Variants in DUSP7 observed in about 807,000 individuals in gnomAD.
DUSP7 encodes the protein dual specificity protein phosphatase 7.
DUSP7 carries 7 observed loss-of-function variants against 29.8 expected under a neutral mutation model. The observed-to-expected ratio is 0.24, with a 90% CI of 0.13 to 0.44. DUSP7 has a LOEUF of 0.44. Ranked by LOEUF, DUSP7 falls within the 20% of genes least tolerant of loss-of-function variation. The pLI is 1.00. For synonymous variants in DUSP7, 287 were observed against 275.4 expected, an observed-to-expected ratio of 1.04 and a Z score of -0.42; for missense variants, 400 against 583.7, an observed-to-expected ratio of 0.69 and a Z score of 3.24.
intron 2 of DUSP7, chr3:52,052,525 C>G (rs1034571297): frequency 6.6e-6 from 1 of 152,368 alleles, no homozygotes; most frequent in Non-Finnish European, 1.5e-5. Context: ...GGTGCTGGGA[C>G]CAGCCTCCAG....
chr3:52,050,150 A>T lies in DUSP7; in HGVS notation c.*665T>A, dbSNP rs1007230774. ...AGAGCAGTAAGCCACCCCTTCAAGA[A>T]GGGCCCGCTGAGGAAACAGAGGCTT... On this transcript the variant is annotated 3_prime_UTR_variant, in exon 3 of 3. Coordinates refer to ENST00000495880, the MANE Select transcript of DUSP7 (RefSeq NM_001947.4). This position sits in a 1 kb window ranked among gnomAD's most constrained non-coding sequence, Gnocchi z 5.0. 6 of 152,026 alleles carry T rather than the reference A, an allele frequency of 3.9e-5. No homozygotes were observed. The highest frequency in any genetic ancestry group is 1.5e-4 in the African/African-American group (6 of 41,252). 9.4% of individuals were successfully genotyped at this position (152,026 alleles called of 1,614,324 possible).
chr3:52,056,250 TGCGCCGGACCCCGACCCC>T lies in DUSP7; in HGVS notation c.99_116del (p.Ser35_Gly40del). On this transcript the variant is annotated inframe_deletion, in exon 1 of 3. Coordinates refer to ENST00000495880, the MANE Select transcript of DUSP7 (RefSeq NM_001947.4). The surrounding 1 kb of genome is among the most constrained non-coding windows in gnomAD (Gnocchi z 6.4). ...CCGTCGCCGCGCCCGCCCCGGTGCC[TGCGCCGGACCCCGACCCC>T]GCACCGGGCTCGGACCCCGCCCGGG... 4 of 1,372,562 alleles carry T rather than the reference TGCGCCGGACCCCGACCCC, an allele frequency of 2.9e-6. No individual in the cohort carries two copies. The highest frequency in any genetic ancestry group is 3.7e-6 in the Non-Finnish European group (4 of 1,069,566). The allele number at this position is 1,372,562 out of a possible 1,614,324, so 85.0% of individuals were successfully genotyped here.
rs1041502199 is a variant in DUSP7, at chr3:52,051,474, T to C, written c.953-352A>G. 6.6e-6 allele frequency among the ~76,000 whole-genome samples: 1 copy of C among 152,248 alleles called. No homozygotes were observed. The highest frequency in any genetic ancestry group is 1.5e-5 in the Non-Finnish European group (1 of 68,040). ...TAATGCCTGTGATCATGGCTAGTCCTACCACTGCCATGTGCGTTAACGACT... is the reference window on the plus strand; with the variant it reads ...TAATGCCTGTGATCATGGCTAGTCCCACCACTGCCATGTGCGTTAACGACT... On this transcript the variant is annotated intron_variant, in intron 2 of 2. Coordinates refer to ENST00000495880, the MANE Select transcript of DUSP7 (RefSeq NM_001947.4). The surrounding 1 kb of genome is among the most constrained non-coding windows in gnomAD (Gnocchi z 4.8).
In DUSP7 at chr3:52,056,122, AGCTC is replaced by A; in HGVS notation, c.241_244del (p.Glu81SerfsTer258). The A allele has an allele frequency of 6.2e-7, 1 of 1,604,950 alleles. No homozygotes were observed. The highest frequency in any genetic ancestry group is 8.5e-7 in the Non-Finnish European group (1 of 1,178,490). On this transcript the variant is annotated frameshift_variant, in exon 1 of 3. Transcript: ENST00000495880. LOFTEE classifies it high-confidence loss of function. This position sits in a 1 kb window ranked among gnomAD's most constrained non-coding sequence, Gnocchi z 6.4. Reference sequence around the variant, plus strand: ...CGTCTCGATGTGCGACGACTCGAAGAGCTCGTGCGGCCGGCAGTCGAGCAGCAGC... The same window carrying A: ...CGTCTCGATGTGCGACGACTCGAAGAGTGCGGCCGGCAGTCGAGCAGCAGC...
chr3:52,056,130 C>A lies in DUSP7; in HGVS notation c.237G>T (p.Pro79=). Residue 79 remains proline (P), a synonymous_variant, in exon 1 of 3, where the codon CCG becomes CCT. Transcript: ENST00000495880. This position sits in a 1 kb window ranked among gnomAD's most constrained non-coding sequence, Gnocchi z 6.4. ...GASLLLLDCR[P]HELFESSHIE... ...TGTGCGACGACTCGAAGAGCTCGTG[C>A]GGCCGGCAGTCGAGCAGCAGCAAGG... is the stretch of plus-strand genomic sequence containing the variant. 1 of 1,602,914 alleles carries A rather than the reference C, an allele frequency of 6.2e-7. No homozygotes were observed.
chr3:52,050,686 G>T lies in DUSP7; in HGVS notation c.*129C>A. The T allele has an allele frequency of 9.0e-7, 1 of 1,106,938 alleles. No individual in the cohort carries two copies. The highest frequency in any genetic ancestry group is 1.3e-6 in the Non-Finnish European group (1 of 788,798). The allele number at this position is 1,106,938 out of a possible 1,614,324, so 68.6% of individuals were successfully genotyped here. On this transcript the variant is annotated 3_prime_UTR_variant, in exon 3 of 3. Coordinates refer to ENST00000495880, the MANE Select transcript of DUSP7 (RefSeq NM_001947.4). The surrounding 1 kb of genome is among the most constrained non-coding windows in gnomAD (Gnocchi z 5.0). ...GTGAGGGGCGCTCCGACACCGATCA[G>T]CCTGGGCCTCTGGGCACAGGTGACA...
rs2106890529 is a variant in DUSP7, at chr3:52,050,761, G to C, written c.*54C>G. ...TGGCGGGCTTGGGCTCTCCCACCTAGCCCTGTGGAGAGCCGAGCAGGGGCC... is the reference window on the plus strand; with the variant it reads ...TGGCGGGCTTGGGCTCTCCCACCTACCCCTGTGGAGAGCCGAGCAGGGGCC... On this transcript the variant is annotated 3_prime_UTR_variant, in exon 3 of 3. Coordinates refer to ENST00000495880, the MANE Select transcript of DUSP7 (RefSeq NM_001947.4). This position sits in a 1 kb window ranked among gnomAD's most constrained non-coding sequence, Gnocchi z 5.0. 1 of 1,554,918 alleles carries C rather than the reference G, an allele frequency of 6.4e-7. No homozygotes were observed.
At position 52,053,950 on chromosome 3, in the gene DUSP7, G is replaced by T. The variant is rs568629136; in HGVS notation, c.942C>A (p.Ile314=). The change falls in exon 2 of 3, where the codon ATC becomes ATA. Residue 314 remains isoleucine, a synonymous_variant. Coordinates refer to ENST00000495880, the MANE Select transcript of DUSP7 (RefSeq NM_001947.4). The surrounding 1 kb of genome is among the most constrained non-coding windows in gnomAD (Gnocchi z 4.6). ...QNLSQFFPEA[I]SFIDEARSKK... ...GCACACAGCACCTACCAATGAAGCTGATGGCCTCAGGGAAGAACTGGGAGA... is the reference window on the plus strand; with the variant it reads ...GCACACAGCACCTACCAATGAAGCTTATGGCCTCAGGGAAGAACTGGGAGA... 2 of 1,614,148 alleles carry T rather than the reference G, an allele frequency of 1.2e-6. No homozygotes were observed. Among genetic ancestry groups the T allele is most frequent in the South Asian group, 2.2e-5 (2 of 91,082 alleles).
rs1439782467 is a variant in DUSP7 at position 52,053,507 on chromosome 3, CCT to C, written c.952+431_952+432del. On this transcript the variant is annotated intron_variant, in intron 2 of 2. Transcript: ENST00000495880. The surrounding 1 kb of genome is among the most constrained non-coding windows in gnomAD (Gnocchi z 4.6). ...TCTGGCTCCAGGGCTACCTTTCAGC[CCT>C]CTTAGGTCCACATTAAAGCCCAAAG... 4.7e-6 allele frequency: 1 copy of C among 213,410 alleles called. No homozygotes were observed. The highest frequency in any genetic ancestry group is 2.3e-5 in the African/African-American group (1 of 43,624). The allele number at this position is 213,410 out of a possible 1,614,324, so 13.2% of individuals were successfully genotyped here.
chr3:52,050,436 G>T lies in DUSP7; in HGVS notation c.*379C>A. On this transcript the variant is annotated 3_prime_UTR_variant, in exon 3 of 3. Coordinates refer to ENST00000495880, the MANE Select transcript of DUSP7 (RefSeq NM_001947.4). The surrounding 1 kb of genome is among the most constrained non-coding windows in gnomAD (Gnocchi z 5.0). ...ATCAAGAAGAGCTCAAACACTCTTT[G>T]TGCTCCAGGGAGCTTGGATTTACCT... 5.8e-6 allele frequency: 1 copy of T among 173,532 alleles called. No individual in the cohort carries two copies. The highest frequency in any genetic ancestry group is 1.2e-5 in the Non-Finnish European group (1 of 82,862). The allele number at this position is 173,532 out of a possible 1,614,324, so 10.7% of individuals were successfully genotyped here. A position where few individuals can be genotyped will look rare whatever the true frequency, so the allele number is the denominator to read the frequency against.
In DUSP7 at chr3:52,054,506, G is replaced by A; in HGVS notation, c.518-132C>T. ...CCACGGTCAGCATGGGCCATGCCAAGCATGTTACACGTGTGCCCTCTCTCG... is the reference window on the plus strand; with the variant it reads ...CCACGGTCAGCATGGGCCATGCCAAACATGTTACACGTGTGCCCTCTCTCG... On this transcript the variant is annotated intron_variant, in intron 1 of 2. Transcript: ENST00000495880. This position sits in a 1 kb window ranked among gnomAD's most constrained non-coding sequence, Gnocchi z 4.1. 2 of 700,786 alleles carry A rather than the reference G, an allele frequency of 2.9e-6. No homozygotes were observed. The highest frequency in any genetic ancestry group is 2.1e-5 in the South Asian group (1 of 48,132). 43.4% of individuals were successfully genotyped at this position (700,786 alleles called of 1,614,324 possible).
In DUSP7 at chr3:52,053,854, G is replaced by C. The variant is rs1488289978; in HGVS notation, c.952+86C>G. The C allele has an allele frequency of 6.8e-7, 1 of 1,471,542 alleles. No homozygotes were observed. The highest frequency in any genetic ancestry group is 1.2e-5 in the South Asian group (1 of 85,516). The allele number at this position is 1,471,542 out of a possible 1,614,324, so 91.2% of individuals were successfully genotyped here. A position where few individuals can be genotyped will look rare whatever the true frequency, so the allele number is the denominator to read the frequency against. On this transcript the variant is annotated intron_variant, in intron 2 of 2. Coordinates refer to ENST00000495880, the MANE Select transcript of DUSP7 (RefSeq NM_001947.4). The surrounding 1 kb of genome is among the most constrained non-coding windows in gnomAD (Gnocchi z 4.6). ...ACACACAGGTCTCAACAGGCCCAGA[G>C]GTACCCAGTCAGGCGGGGGCGCCAC...
chr3:52,055,762 C>A (rs983878538), intron 1 of DUSP7, 88 bp downstream of exon 1: 4 of 1,407,226 alleles, frequency 2.8e-6, no homozygotes, highest in Non-Finnish European at 3.7e-6. Flanking sequence ...GCAGGCCGAG[C>A]GCGTGGAGAG....
Position 52,054,345 on chromosome 3 carries a change from A to G in DUSP7, c.547T>C (p.Ser183Pro), listed in dbSNP as rs1352394693. The G allele has an allele frequency of 6.5e-7, 1 of 1,539,144 alleles. No individual in the cohort carries two copies. Among genetic ancestry groups the G allele is most frequent in the African/African-American group, 1.4e-5 (1 of 72,742 alleles). Residue 183 changes from serine to proline, a missense_variant, in exon 2 of 3, where the codon TCT becomes CCT. Transcript: ENST00000495880. This position sits in a 1 kb window ranked among gnomAD's most constrained non-coding sequence, Gnocchi z 4.1. ...GGFNKFQTEY[S>P]EHCETNVDSS... ...TCCACGTTGGTCTCGCAGTGCTCAG[A>G]GTACTCTGTTTGAAACTTGTTGAAA...
At position 52,054,192 on chromosome 3, in the gene DUSP7, C is replaced by T. The variant is rs767306158; in HGVS notation, c.700G>A (p.Gly234Ser). The change falls in exon 2 of 3, where the codon GGC becomes AGC. Residue 234 changes from glycine to serine, a missense_variant. Coordinates refer to ENST00000495880, the MANE Select transcript of DUSP7 (RefSeq NM_001947.4). The surrounding 1 kb of genome is among the most constrained non-coding windows in gnomAD (Gnocchi z 4.1). ...GGTTGGCTGGATGGCACAGGGCTGCCGTCTGACTCGGTGGCACTGCTGGGC... is the reference window on the plus strand; with the variant it reads ...GGTTGGCTGGATGGCACAGGGCTGCTGTCTGACTCGGTGGCACTGCTGGGC... ...ELPSSATESD[G>S]SPVPSSQPAF... The T allele has an allele frequency of 8.7e-6, 14 of 1,613,316 alleles. No homozygotes were observed. The highest frequency in any genetic ancestry group is 5.0e-5 in the Admixed American group (3 of 60,014).
intron 2 of DUSP7, chr3:52,052,695 C>T (rs1461885890): frequency 1.3e-5 from 2 of 152,332 alleles, no homozygotes; most frequent in Non-Finnish European, 2.9e-5. Context: ...GCCTCAATTC[C>T]TTCACTTGTC....
chr3:52,051,240 C>G lies in DUSP7; in HGVS notation c.953-118G>C. 8.4e-7 allele frequency: 1 copy of G among 1,192,264 alleles called. No homozygotes were observed. Among genetic ancestry groups the G allele is most frequent in the Non-Finnish European group, 1.2e-6 (1 of 866,598 alleles). 73.9% of individuals were successfully genotyped at this position (1,192,264 alleles called of 1,614,324 possible). ...TGGTGGCTGGCTGGTCTTGCCCGAC[C>G]CCTGAGGGACCTGGCCAAGCCCAGT... is the stretch of plus-strand genomic sequence containing the variant. On this transcript the variant is annotated intron_variant, in intron 2 of 2. Transcript: ENST00000495880. The surrounding 1 kb of genome is among the most constrained non-coding windows in gnomAD (Gnocchi z 4.8).
In DUSP7 at chr3:52,055,843, C is replaced by G; in HGVS notation, c.517+7G>C. On this transcript the variant is annotated splice_region_variant and intron_variant, in intron 1 of 2. Transcript: ENST00000495880. Reference sequence around the variant, plus strand: ...GATCCCGTAAGGCGTCTCGGTGCCGCCCTCACCTTGGAGGTAGTAGGCCTG... The same window carrying G: ...GATCCCGTAAGGCGTCTCGGTGCCGGCCTCACCTTGGAGGTAGTAGGCCTG... 1 of 1,537,992 alleles carries G rather than the reference C, an allele frequency of 6.5e-7. No individual in the cohort carries two copies. The highest frequency in any genetic ancestry group is 1.9e-4 in the Middle Eastern group (1 of 5,326).
rs374069118 is a variant in DUSP7, at chr3:52,053,911, C to A, written c.952+29G>T. The A allele has an allele frequency of 6.2e-7, 1 of 1,613,708 alleles. No homozygotes were observed. The highest frequency in any genetic ancestry group is 1.3e-5 in the African/African-American group (1 of 75,040). ...TCCTGCATACACCTTGATGCACCCA[C>A]ACCCCCCTGCCCAGCACACAGCACC... On this transcript the variant is annotated intron_variant, in intron 2 of 2. Coordinates refer to ENST00000495880, the MANE Select transcript of DUSP7 (RefSeq NM_001947.4). The surrounding 1 kb of genome is among the most constrained non-coding windows in gnomAD (Gnocchi z 4.6).
Sources: gnomAD v4.1 joint callset for allele counts (sites outside exome capture counted in the v4.1 genomes callset) on GRCh38, gnomAD v4.1.1 for gene constraint, Gnocchi (gnomAD v3.1) non-coding constraint, MANE v1.5 for transcripts, NCBI Gene and HGNC (gene_info 2026-07-23, HGNC 2026-07-21) for gene names.